The following PKP4 variants were observed in gnomAD, a reference collection of about 807,000 sequenced individuals.
The protein encoded by PKP4 is plakophilin 4.
In PKP4, 90 loss-of-function variants were observed where a neutral mutation model predicts 145.1. That is an observed-to-expected ratio of 0.62 (90% CI 0.52 to 0.74). PKP4 has a LOEUF of 0.74. Ranked by LOEUF, PKP4 falls within the 30% of genes least tolerant of loss-of-function variation. The pLI is 0.00. For synonymous variants in PKP4, 563 were observed against 577.2 expected, an observed-to-expected ratio of 0.98 and a Z score of 0.35; for missense variants, 1,340 against 1,482.7, an observed-to-expected ratio of 0.90 and a Z score of 1.58.
chr2:158,677,201 T>C, intron 20 of PKP4: 1 of 359,976 alleles, frequency 2.8e-6, no homozygotes, highest in South Asian at 2.2e-5. Context: ...CTCTGTGTTT[T>C]CCACATGCAT....
At chr2:158,517,926 CAAAAG>C (rs1261495397) in intron 1 of PKP4, among the ~76,000 whole-genome samples, 2 of 151,030 alleles carry the variant, frequency 1.3e-5, no homozygotes, top group Non-Finnish European at 3.0e-5. Context: ...AAAAAAAAAA[CAAAAG>C]AAAATAAGAT....
At chr2:158,598,625 C>A (rs185412785) in intron 3 of PKP4, among the ~76,000 whole-genome samples, 95 of 152,130 alleles carry the variant, frequency 6.2e-4, no homozygotes, top group African/African-American at 2.1e-3. Context: ...AAAAATTAGC[C>A]GGGCATGGTA....
At chr2:158,537,716 C>T (rs2044171443) in intron 2 of PKP4, among the ~76,000 whole-genome samples, 1 of 152,162 alleles carries the variant, frequency 6.6e-6, no homozygotes, top group Non-Finnish European at 1.5e-5. Context: ...CTAGCTTACT[C>T]TCTTAGTTGT....
chr2:158,574,647 A>G (rs560252509), intron 2 of PKP4, among the ~76,000 whole-genome samples: 1 of 152,322 alleles, frequency 6.6e-6, no homozygotes, highest in South Asian at 2.1e-4. Flanking sequence ...TTTTCTTTGT[A>G]AACATTTACA....
intron 20 of PKP4, among the ~76,000 whole-genome samples, chr2:158,677,554 T>G (rs182675982): frequency 2.6e-5 from 4 of 152,320 alleles, no homozygotes. Flanking sequence ...AATAAGTCAG[T>G]GTGAGCTACC....
At position 158,577,711 on chromosome 2, in the gene PKP4, C is replaced by T. The variant is rs564866331; in HGVS notation, c.245+328C>T. On this transcript the variant is annotated intron_variant, in intron 3 of 21. Coordinates refer to ENST00000389759, the MANE Select transcript of PKP4 (RefSeq NM_003628.6). ...AAAGTTAATTGGCTGGTGCTTTGAA[C>T]ACCTGGTATTGATTTTTTTAAAACT... 1.1e-4 allele frequency among the ~76,000 whole-genome samples: 16 copies of T among 152,278 alleles called. No individual in the cohort carries two copies. In the South Asian group the frequency reaches 3.1e-3, roughly 30 times the overall value.
chr2:158,671,163 T>G, intron 17 of PKP4, among the ~76,000 whole-genome samples: 1 of 152,140 alleles, frequency 6.6e-6, no homozygotes, highest in African/African-American at 2.4e-5. Flanking sequence ...TAACAGGTGT[T>G]TGGTGAATAT....
intron 1 of PKP4, among the ~76,000 whole-genome samples, chr2:158,477,000 T>C (rs1692577855): frequency 6.6e-6 from 1 of 152,242 alleles, no homozygotes; most frequent in South Asian, 2.1e-4. Flanking sequence ...TTCTTTGTTC[T>C]GTGAACACCT....
intron 4 of PKP4, among the ~76,000 whole-genome samples, chr2:158,604,320 T>G (rs10191934): frequency 0.51 from 77,986 of 151,876 alleles, 20,321 homozygotes; most frequent in South Asian, 0.68. Flanking sequence ...ACGTGCAAAG[T>G]CTAGAAGGCT....
rs569608180 is a variant in PKP4 at position 158,471,173 on chromosome 2, A to T, written c.-6+13955A>T. ...CAAGGTTTTGGTTGAAAAAGTTTTA[A>T]GATAGAGTGGACTTAAGCGTGGTAA... On this transcript the variant is annotated intron_variant, in intron 1 of 21. Coordinates refer to ENST00000389759, the MANE Select transcript of PKP4 (RefSeq NM_003628.6). 2.0e-5 allele frequency among the ~76,000 whole-genome samples: 3 copies of T among 152,312 alleles called. No homozygotes were observed. The East Asian group carries it at 5.8e-4, about 29-fold the overall frequency.
At chr2:158,658,430 T>G in intron 12 of PKP4, 116 bp downstream of exon 12, 1 of 655,136 alleles carries the variant, frequency 1.5e-6, no homozygotes, top group Non-Finnish European at 2.5e-6. Flanking sequence ...AGTTTTTATT[T>G]CAAAATTTAG....
At chr2:158,552,646 A>G (rs1011812201) in intron 2 of PKP4, among the ~76,000 whole-genome samples, 2 of 152,206 alleles carry the variant, frequency 1.3e-5, no homozygotes, top group Non-Finnish European at 2.9e-5. Context: ...ATTTACAGGC[A>G]TACCTTGGTG....
chr2:158,606,420 G>T (rs993116418), intron 4 of PKP4, among the ~76,000 whole-genome samples: 4 of 151,684 alleles, frequency 2.6e-5, no homozygotes, highest in African/African-American at 9.7e-5. Context: ...TATTATAGCC[G>T]TCCTAGTGGG....
At chr2:158,507,652 C>CTT (rs1283124576) in intron 1 of PKP4, among the ~76,000 whole-genome samples, 2 of 152,100 alleles carry the variant, frequency 1.3e-5, no homozygotes, top group Non-Finnish European at 2.9e-5. Context: ...AATTTCAGTT[C>CTT]TTTTGTGACC....
chr2:158,479,443 T>A (rs1693010180), intron 1 of PKP4, among the ~76,000 whole-genome samples: 2 of 152,126 alleles, frequency 1.3e-5, no homozygotes, highest in Admixed American at 6.6e-5. Context: ...AGGCTGGTCT[T>A]GAAATCCTGG....
At chr2:158,635,936 G>T (rs2053772313) in intron 9 of PKP4, among the ~76,000 whole-genome samples, 1 of 149,414 alleles carries the variant, frequency 6.7e-6, no homozygotes, top group Non-Finnish European at 1.5e-5. Flanking sequence ...TTCACTACAA[G>T]TTTTATTCAC....
chr2:158,536,785 G>A (rs774173044), intron 2 of PKP4, among the ~76,000 whole-genome samples: 1 of 152,184 alleles, frequency 6.6e-6, no homozygotes, highest in Non-Finnish European at 1.5e-5. Flanking sequence ...CTTGCTCCTT[G>A]ACAGAAAGAA....
At chr2:158,630,396 G>A (rs1303717504) in intron 7 of PKP4, among the ~76,000 whole-genome samples, 1 of 152,120 alleles carries the variant, frequency 6.6e-6, no homozygotes, top group Non-Finnish European at 1.5e-5. Context: ...TAGAAAGAAG[G>A]TAAACAAGAA....
At chr2:158,562,303 T>G (rs1000655734) in intron 2 of PKP4, among the ~76,000 whole-genome samples, 4 of 152,226 alleles carry the variant, frequency 2.6e-5, no homozygotes, top group Non-Finnish European at 2.9e-5. Flanking sequence ...GCATATATAT[T>G]GCGATGGAAT....
Sources: allele counts gnomAD v4.1 joint callset (sites outside exome capture counted in the v4.1 genomes callset), GRCh38; gene constraint gnomAD v4.1.1; transcripts MANE v1.5; gene names NCBI Gene and HGNC (gene_info 2026-07-23, HGNC 2026-07-21).